Variants in ST7 observed in about 807,000 individuals in gnomAD.
ST7 encodes suppressor of tumorigenicity 7 protein.
Under a neutral mutation model 78.7 loss-of-function variants are expected in ST7, and 28 were observed. The ratio of observed to expected loss-of-function variants is 0.36; its 90% CI spans 0.26 to 0.49. ST7 has a LOEUF of 0.49. Among genes scored for constraint, ST7 ranks in the 20% least tolerant of loss-of-function variants. The pLI is 0.99. For missense variants in ST7, 418 were observed against 696.0 expected, an observed-to-expected ratio of 0.60 and a Z score of 4.49; for synonymous variants, 247 against 249.6, an observed-to-expected ratio of 0.99 and a Z score of 0.10.
chr7:117,192,553 T>G (rs1442405613), intron 12 of ST7, among the ~76,000 whole-genome samples: 4 of 152,196 alleles, frequency 2.6e-5, no homozygotes, highest in Admixed American at 6.5e-5. Flanking sequence ...TTATTAAGAT[T>G]TTTGATGATT....
chr7:116,954,472 C>A (rs1477571083), intron 1 of ST7: 1 of 152,254 alleles, frequency 6.6e-6, no homozygotes, highest in Non-Finnish European at 1.5e-5. Flanking sequence ...TACATATGCT[C>A]AGCAAGTGCC....
At chr7:117,125,913 G>A (rs1303718551) in intron 3 of ST7, among the ~76,000 whole-genome samples, 1 of 151,932 alleles carries the variant, frequency 6.6e-6, no homozygotes, top group African/African-American at 2.4e-5. Flanking sequence ...GATAAGAGTC[G>A]GGCAGTCTGG....
chr7:116,978,592 AATCT>A lies in ST7; in HGVS notation c.151+24911_151+24914del, dbSNP rs57958028. On this transcript the variant is annotated intron_variant, in intron 1 of 15. Coordinates refer to ENST00000323984, the MANE Select transcript of ST7 (RefSeq NM_001369598.1). ...ATTCTATCTATCTATCTATCTATCT[AATCT>A]ATCTATCTAGAGACAGTCTTTCTCT... Among the ~76,000 whole-genome samples the A allele has an allele frequency of 4.9e-3, 745 of 151,604 alleles. 3 individuals are homozygous for A. Among genetic ancestry groups the A allele is most frequent in the Middle Eastern group, 0.01 (3 of 294 alleles).
At chr7:117,035,600 A>T (rs1420526782) in intron 1 of ST7, among the ~76,000 whole-genome samples, 1 of 152,196 alleles carries the variant, frequency 6.6e-6, no homozygotes, top group Non-Finnish European at 1.5e-5. Flanking sequence ...CAATTTGATT[A>T]AAGTTTTTTT....
At chr7:117,201,496 A>G (rs1334665378) in intron 12 of ST7, among the ~76,000 whole-genome samples, 7 of 147,696 alleles carry the variant, frequency 4.7e-5, no homozygotes, top group African/African-American at 1.8e-4. Context: ...ACCTCATCCT[A>G]TTTCATCTCT....
At chr7:117,097,908 A>ATATATATATATATATATATATTTT in intron 1 of ST7, among the ~76,000 whole-genome samples, 2 of 30,010 alleles carry the variant, frequency 6.7e-5, no homozygotes, top group Non-Finnish European at 1.1e-4. Context: ...ATATATATAT[A>ATATATATATATATATATATATTTT]TTTTTTTTTT....
At chr7:117,054,000 G>C (rs1424046587) in intron 1 of ST7, among the ~76,000 whole-genome samples, 1 of 152,000 alleles carries the variant, frequency 6.6e-6, no homozygotes, top group Non-Finnish European at 1.5e-5. Context: ...ACCAGGCCTG[G>C]CTAATTTTTG....
intron 1 of ST7, among the ~76,000 whole-genome samples, chr7:117,086,528 C>T (rs1800160926): frequency 2.6e-5 from 4 of 152,160 alleles, no homozygotes; most frequent in Admixed American, 2.6e-4. Flanking sequence ...ATTTTGGACA[C>T]TATTTGAGAT....
intron 1 of ST7, among the ~76,000 whole-genome samples, chr7:117,089,279 AGT>A (rs1800401671): frequency 6.6e-6 from 1 of 152,346 alleles, no homozygotes; most frequent in South Asian, 2.1e-4. Flanking sequence ...TTGTATCACC[AGT>A]GTTTTACATA....
At chr7:117,166,223 A>G in intron 9 of ST7, among the ~76,000 whole-genome samples, 1 of 152,136 alleles carries the variant, frequency 6.6e-6, no homozygotes, top group East Asian at 1.9e-4. Flanking sequence ...TTTCTAACCA[A>G]GTATGTTTCT....
chr7:117,145,072 C>T (rs1287144674), intron 9 of ST7, among the ~76,000 whole-genome samples: 3 of 151,900 alleles, frequency 2.0e-5, no homozygotes, highest in African/African-American at 7.3e-5. Flanking sequence ...TGGTAGCACA[C>T]GCCTGTGGTC....
At chr7:117,144,633 C>CAAA (rs535930435) in intron 9 of ST7, among the ~76,000 whole-genome samples, 6,175 of 103,712 alleles carry the variant, frequency 0.06, 510 homozygotes, top group African/African-American at 0.2. Flanking sequence ...ACCCTGTCTC[C>CAAA]AAAAAAAAAA....
At chr7:117,185,766 T>A (rs912434216) in intron 10 of ST7, among the ~76,000 whole-genome samples, 7 of 151,876 alleles carry the variant, frequency 4.6e-5, no homozygotes, top group Non-Finnish European at 1.0e-4. Context: ...CTACTAAAAA[T>A]ACAAAAATTA....
intron 1 of ST7, among the ~76,000 whole-genome samples, chr7:117,096,298 T>C (rs1409526488): frequency 4.6e-4 from 70 of 152,266 alleles, no homozygotes; most frequent in Non-Finnish European, 2.2e-4. Flanking sequence ...AGAAGAATTT[T>C]TAAACTAGAT....
chr7:117,075,993 C>T (rs1026147331), intron 1 of ST7, among the ~76,000 whole-genome samples: 1 of 152,200 alleles, frequency 6.6e-6, no homozygotes, highest in African/African-American at 2.4e-5. Flanking sequence ...CCCTCATTCA[C>T]CATGTTTGCT....
chr7:116,991,534 C>T (rs7793358), intron 1 of ST7, among the ~76,000 whole-genome samples: 7,316 of 152,134 alleles, frequency 0.048, 582 homozygotes, highest in African/African-American at 0.17. Context: ...ACCAAGAGAA[C>T]AATATGGGTG....
At chr7:117,090,878 C>T (rs1800556424) in intron 1 of ST7, 1 of 167,064 alleles carries the variant, frequency 6.0e-6, no homozygotes, top group Non-Finnish European at 1.5e-5. Flanking sequence ...TTCATGATAT[C>T]AGGGAAGGTT....
intron 9 of ST7, among the ~76,000 whole-genome samples, chr7:117,160,279 G>T (rs1807030384): frequency 6.7e-6 from 1 of 149,600 alleles, no homozygotes; most frequent in Non-Finnish European, 1.5e-5. Context: ...CTATTCACAT[G>T]TAGCAAATCA....
intron 9 of ST7, 71 bp downstream of exon 9, chr7:117,138,603 T>C: frequency 1.8e-6 from 2 of 1,106,454 alleles, no homozygotes; most frequent in Non-Finnish European, 2.7e-6. Context: ...CATAGCAGTC[T>C]GTACCAGTGA....
Sources: allele counts gnomAD v4.1 joint callset (sites outside exome capture counted in the v4.1 genomes callset), GRCh38; gene constraint gnomAD v4.1.1; transcripts MANE v1.5; gene names NCBI Gene and HGNC (gene_info 2026-07-23, HGNC 2026-07-21).